Variants in DCHS2 observed in about 807,000 individuals in gnomAD.
DCHS2 encodes the protein protocadherin-23.
In DCHS2, 142 loss-of-function variants were observed where a neutral mutation model predicts 182.4. The observed-to-expected ratio is 0.78, with a 90% CI of 0.68 to 0.89. DCHS2 has a LOEUF of 0.89. Among genes scored for constraint, DCHS2 ranks in the 40% least tolerant of loss-of-function variants. The probability of loss-of-function intolerance (pLI) is 0.00; values close to 1 mark genes in which losing one functional copy is unlikely to be tolerated. For synonymous variants in DCHS2, 1,740 were observed against 1,663.3 expected (o/e 1.05, Z -1.12); for missense variants, 4,319 against 4,198.6 (o/e 1.03, Z -0.79).
At chr4:154,293,427 C>A (rs1301487198) in intron 13 of DCHS2, among the ~76,000 whole-genome samples, 1 of 152,082 alleles carries the variant, frequency 6.6e-6, no homozygotes, top group Non-Finnish European at 1.5e-5. Context: ...GGTGATCCAC[C>A]CACCCCGGCT....
At chr4:154,359,758 T>A (rs979705205) in intron 3 of DCHS2, among the ~76,000 whole-genome samples, 2 of 152,202 alleles carry the variant, frequency 1.3e-5, no homozygotes, top group Admixed American at 6.5e-5. Flanking sequence ...AAATTCTATC[T>A]CATATTGAGA....
In DCHS2 at chr4:154,489,476, T is replaced by C. The variant is rs1288358593; in HGVS notation, c.1880A>G (p.Glu627Gly). 1.3e-6 allele frequency: 2 copies of C among 1,551,672 alleles called. No homozygotes were observed. The highest frequency in any genetic ancestry group is 3.9e-5 in the Admixed American group (2 of 50,994). The change falls in exon 1 of 20, where the codon GAG (glutamate) becomes GGG (glycine). Residue 627 changes from glutamate to glycine, a missense_variant. By Grantham distance (98) the Glu-to-Gly change is moderately conservative (BLOSUM62 -2). Transcript: ENST00000357232. ...GGCCACCACTTTCAGCTCCACCGCC[T>C]CCTGGACCTCTCGGTCTAGAGTCCG... ...TIRTLDREVQEAVELKVVAQD... is the reference protein window; with the variant it reads ...TIRTLDREVQGAVELKVVAQD...
chr4:154,452,711 C>T (rs1209045919), intron 1 of DCHS2, among the ~76,000 whole-genome samples: 1 of 152,032 alleles, frequency 6.6e-6, no homozygotes, highest in East Asian at 1.9e-4. Context: ...AAATCTAAAT[C>T]CATCCAAATA....
chr4:154,446,744 T>G (rs1734301350), intron 1 of DCHS2, among the ~76,000 whole-genome samples: 1 of 152,094 alleles, frequency 6.6e-6, no homozygotes, highest in Admixed American at 6.5e-5. Context: ...ATTATCAGAT[T>G]TCAAGAATAA....
intron 16 of DCHS2, 38 bp from the exon 17 acceptor site, chr4:154,242,810 T>C (rs1731892251): frequency 6.4e-7 from 1 of 1,568,928 alleles, no homozygotes. Flanking sequence ...TGATTCATCA[T>C]CCAGGAATTA....
chr4:154,252,199 G>T (rs1156390416), intron 16 of DCHS2, among the ~76,000 whole-genome samples: 1 of 151,936 alleles, frequency 6.6e-6, no homozygotes, highest in South Asian at 2.1e-4. Context: ...GTACATAGTA[G>T]GTGTATACAT....
chr4:154,308,602 G>A (rs1735545398), intron 10 of DCHS2, among the ~76,000 whole-genome samples: 1 of 152,154 alleles, frequency 6.6e-6, no homozygotes, highest in South Asian at 2.1e-4. Flanking sequence ...CTCTAGAGTG[G>A]AAGATGATTA....
In DCHS2 at chr4:154,332,997, C is replaced by G. The variant is rs1728541528; in HGVS notation, c.3211G>C (p.Val1071Leu). The G allele has an allele frequency of 1.9e-6, 3 of 1,614,188 alleles. No individual in the cohort carries two copies. Among genetic ancestry groups the G allele is most frequent in the Non-Finnish European group, 2.5e-6 (3 of 1,180,028 alleles). Residue 1071 changes from valine to leucine, a missense_variant, in exon 5 of 20, where the codon GTC becomes CTC. Transcript: ENST00000357232. ...HPQAALLVLTVVIEKREHSPS... is the reference protein window; with the variant it reads ...HPQAALLVLTLVIEKREHSPS... ...CTGTGTTCGCGTTTCTCGATAACGA[C>G]TGTCAGCACCAGCAGGGCTGCCTGA...
intron 13 of DCHS2, among the ~76,000 whole-genome samples, chr4:154,291,582 G>C (rs1275878098): frequency 6.6e-6 from 1 of 152,104 alleles, no homozygotes; most frequent in East Asian, 1.9e-4. Context: ...AGAAAATGTG[G>C]TACATATACA....
At chr4:154,453,565 G>A (rs1432051641) in intron 1 of DCHS2, among the ~76,000 whole-genome samples, 2 of 152,098 alleles carry the variant, frequency 1.3e-5, no homozygotes, top group Non-Finnish European at 2.9e-5. Context: ...CTGCTCAATG[G>A]TTGACTCATC....
At chr4:154,384,679 C>T (rs1199474507) in intron 1 of DCHS2, among the ~76,000 whole-genome samples, 1 of 152,066 alleles carries the variant, frequency 6.6e-6, no homozygotes. Context: ...AAGAGATAGA[C>T]AGAGGAAGGT....
At chr4:154,363,928 G>A (rs1016500275) in intron 3 of DCHS2, among the ~76,000 whole-genome samples, 6 of 152,114 alleles carry the variant, frequency 3.9e-5, no homozygotes, top group Middle Eastern at 3.2e-3. Flanking sequence ...AGCTAGTCAC[G>A]ATGCTTTTTC....
chr4:154,239,539 T>C (rs536403638), intron 18 of DCHS2, among the ~76,000 whole-genome samples: 1 of 152,270 alleles, frequency 6.6e-6, no homozygotes, highest in Admixed American at 6.5e-5. Context: ...GATGCAGTCT[T>C]GCTCTGTTGC....
chr4:154,246,887 C>T (rs1372787553), intron 16 of DCHS2, among the ~76,000 whole-genome samples: 1 of 151,848 alleles, frequency 6.6e-6, no homozygotes, highest in Admixed American at 6.6e-5. Flanking sequence ...TAAAATATAA[C>T]TAACAAAGAA....
At chr4:154,400,802 C>A (rs975644393) in intron 1 of DCHS2, among the ~76,000 whole-genome samples, 2 of 152,184 alleles carry the variant, frequency 1.3e-5, no homozygotes, top group Non-Finnish European at 2.9e-5. Context: ...TTTACCCTGT[C>A]CCCACCAGTT....
chr4:154,355,267 CTA>C (rs1729807345), intron 3 of DCHS2, among the ~76,000 whole-genome samples: 1 of 152,044 alleles, frequency 6.6e-6, no homozygotes, highest in African/African-American at 2.4e-5. Context: ...TGAAAGCAAC[CTA>C]TGATCATCTT....
At chr4:154,389,009 G>C (rs1731548579) in intron 1 of DCHS2, among the ~76,000 whole-genome samples, 1 of 152,070 alleles carries the variant, frequency 6.6e-6, no homozygotes, top group East Asian at 1.9e-4. Context: ...CTAAACCAGG[G>C]GTGAGCAAGG....
In DCHS2 at chr4:154,491,019, G is replaced by T; in HGVS notation, c.337C>A (p.Leu113Met). Reference sequence around the variant, plus strand: ...TCCGGGTGCACGTGGAAGTCGTCCAGCAGCGGGGAGTCATCGGAGTCCTCC... The same window carrying T: ...TCCGGGTGCACGTGGAAGTCGTCCATCAGCGGGGAGTCATCGGAGTCCTCC... Reference protein sequence around the residue: ...LSEDSDDSPLLDDFHVHPDTG... With the variant: ...LSEDSDDSPLMDDFHVHPDTG... The change falls in exon 1 of 20, where the codon CTG becomes ATG. Residue 113 changes from leucine (L) to methionine (M), a missense_variant. Coordinates refer to ENST00000357232, the MANE Select transcript of DCHS2 (RefSeq NM_001358235.2). 6.4e-7 allele frequency: 1 copy of T among 1,550,906 alleles called. No homozygotes were observed. Among genetic ancestry groups the T allele is most frequent in the Non-Finnish European group, 8.7e-7 (1 of 1,146,608 alleles).
chr4:154,453,470 G>T (rs562394920), intron 1 of DCHS2, among the ~76,000 whole-genome samples: 1 of 152,228 alleles, frequency 6.6e-6, no homozygotes, highest in South Asian at 2.1e-4. Context: ...ACAGCCTCCA[G>T]CTGCCATGCC....
Sources: allele counts gnomAD v4.1 joint callset (sites outside exome capture counted in the v4.1 genomes callset), GRCh38; gene constraint gnomAD v4.1.1; transcripts MANE v1.5; gene names NCBI Gene and HGNC (gene_info 2026-07-23, HGNC 2026-07-21).